C10orf53: variants seen among roughly 807,000 people sequenced by gnomAD.
C10orf53 encodes chromosome 10 open reading frame 53, also known as UPF0728 protein C10orf53.
A neutral mutation model predicts 9.4 loss-of-function variants in C10orf53; 8 were observed. That is an observed-to-expected ratio of 0.85 (90% CI 0.50 to 1.53). The LOEUF is 1.53. Among genes scored for constraint, C10orf53 ranks in the 40% most tolerant of loss-of-function variants. C10orf53 has a pLI of 0.00. For missense variants in C10orf53, 117 were observed against 117.8 expected (o/e 0.99, Z 0.03); for synonymous variants, 48 against 46.0 (o/e 1.04, Z -0.18).
At chr10:49,706,709 A>C (rs1041098975) in intron 2 of C10orf53, among the ~76,000 whole-genome samples, 1 of 152,216 alleles carries the variant, frequency 6.6e-6, no homozygotes, top group African/African-American at 2.4e-5. Context: ...GTACAGTTTA[A>C]ATGGATGAAT....
chr10:49,691,767 G>A (rs1022701294), intron 1 of C10orf53, among the ~76,000 whole-genome samples: 9 of 152,310 alleles, frequency 5.9e-5, no homozygotes, highest in African/African-American at 1.9e-4. Context: ...AGGGCCAGGG[G>A]CAGGCTACAG....
intron 1 of C10orf53, among the ~76,000 whole-genome samples, chr10:49,692,564 G>T (rs1452633696): frequency 6.6e-6 from 1 of 152,134 alleles, no homozygotes; most frequent in East Asian, 1.9e-4. Context: ...TAAAGAATAT[G>T]CCCCCGTCTG....
downstream of C10orf53, among the ~76,000 whole-genome samples, chr10:49,699,872 G>T (rs1214981091): frequency 6.8e-6 from 1 of 147,222 alleles, no homozygotes; most frequent in Admixed American, 6.8e-5. Flanking sequence ...GTACAAGAGG[G>T]CCCAGCTGTA....
intron 1 of C10orf53, among the ~76,000 whole-genome samples, chr10:49,681,323 T>C (rs1840477536): frequency 6.6e-6 from 1 of 152,120 alleles, no homozygotes; most frequent in African/African-American, 2.4e-5. Context: ...ATTGATGAAC[T>C]CCCATCCTAT....
intron 1 of C10orf53, among the ~76,000 whole-genome samples, chr10:49,688,287 C>T (rs11812635): frequency 0.32 from 48,639 of 151,890 alleles, 8,966 homozygotes; most frequent in Non-Finnish European, 0.42. Flanking sequence ...TTCCCTTACA[C>T]TCCCTGTTTA....
At chr10:49,679,815 C>A (rs774124565) in intron 1 of C10orf53, 21 bp downstream of exon 1, 2 of 1,523,306 alleles carry the variant, frequency 1.3e-6, no homozygotes, top group South Asian at 1.2e-5. Context: ...TCGCCGCGTG[C>A]GCCCCTGAGG....
At chr10:49,708,166 G>A (rs754930609) in intron 2 of C10orf53, among the ~76,000 whole-genome samples, 14 of 152,182 alleles carry the variant, frequency 9.2e-5, no homozygotes, top group Middle Eastern at 3.4e-3. Flanking sequence ...AATCTCAATG[G>A]TTAAGTCAGG....
chr10:49,701,153 G>A (rs1262782077), downstream of C10orf53, among the ~76,000 whole-genome samples: 2 of 152,142 alleles, frequency 1.3e-5, no homozygotes, highest in African/African-American at 2.4e-5. Flanking sequence ...ACACTCCAGC[G>A]GAGGGCAGCA....
At chr10:49,704,262 G>A (rs1485268490) in intron 2 of C10orf53, among the ~76,000 whole-genome samples, 1 of 152,134 alleles carries the variant, frequency 6.6e-6, no homozygotes, top group East Asian at 1.9e-4. Context: ...TGTGAAAGAA[G>A]GCATTTGCAA....
intron 1 of C10orf53, among the ~76,000 whole-genome samples, chr10:49,687,559 G>A (rs547110936): frequency 2.0e-5 from 3 of 152,332 alleles, no homozygotes; most frequent in African/African-American, 7.2e-5. Context: ...TTACCTTTAT[G>A]AGCCTCAGTT....
chr10:49,685,447 A>G (rs1840519518), intron 1 of C10orf53, among the ~76,000 whole-genome samples: 1 of 152,200 alleles, frequency 6.6e-6, no homozygotes, highest in Non-Finnish European at 1.5e-5. Flanking sequence ...TTAACTTAAA[A>G]TATTTTCAAC....
At chr10:49,690,293 C>T (rs1840571456) in intron 1 of C10orf53, among the ~76,000 whole-genome samples, 2 of 152,188 alleles carry the variant, frequency 1.3e-5, no homozygotes, top group South Asian at 4.1e-4. Flanking sequence ...CGGCAGCCAA[C>T]AAGGGCCAGG....
rs1318467594 is a variant in C10orf53 at position 49,695,569 on chromosome 10, T to G, written c.*967T>G. The G allele has an allele frequency of 2.6e-5, 4 of 152,208 alleles. No homozygotes were observed. Among genetic ancestry groups the G allele is most frequent in the Admixed American group, 2.0e-4 (3 of 15,274 alleles). 9.4% of individuals were successfully genotyped at this position (152,208 alleles called of 1,614,324 possible). A position where few individuals can be genotyped will look rare whatever the true frequency, so the allele number is the denominator to read the frequency against. ...GGGCTTTCAGGATCGCTCAGAGACCTGCGGCTTCACCTGCTCTGAGAGCAG... is the reference window on the plus strand; with the variant it reads ...GGGCTTTCAGGATCGCTCAGAGACCGGCGGCTTCACCTGCTCTGAGAGCAG... On this transcript the variant is annotated 3_prime_UTR_variant, in exon 3 of 3. Transcript: ENST00000374111.
At chr10:49,685,142 A>T (rs1840515499) in intron 1 of C10orf53, among the ~76,000 whole-genome samples, 1 of 152,018 alleles carries the variant, frequency 6.6e-6, no homozygotes, top group Non-Finnish European at 1.5e-5. Flanking sequence ...ACACACACAC[A>T]CGCACACACA....
At chr10:49,703,579 C>G (rs969772185) in intron 2 of C10orf53, among the ~76,000 whole-genome samples, 1 of 152,190 alleles carries the variant, frequency 6.6e-6, no homozygotes, top group South Asian at 2.1e-4. Flanking sequence ...AAGGTAGGTG[C>G]TCACGGAGTG....
At chr10:49,693,737 A>T (rs556572244) in intron 1 of C10orf53, 37 bp from the exon 2 acceptor site, 1 of 1,603,762 alleles carries the variant, frequency 6.2e-7, no homozygotes, top group East Asian at 2.2e-5. Flanking sequence ...TTGAAGTCTG[A>T]CCCCATGTCA....
intron 2 of C10orf53, among the ~76,000 whole-genome samples, chr10:49,702,576 C>T (rs1322919242): frequency 3.9e-5 from 6 of 152,200 alleles, no homozygotes; most frequent in Non-Finnish European, 8.8e-5. Context: ...GGGACTTACA[C>T]CACTGGCTCT....
rs529076528 is a variant in C10orf53 at position 49,688,655 on chromosome 10, C to T, written c.98-5119C>T. 3.5e-5 allele frequency among the ~76,000 whole-genome samples: 5 copies of T among 144,668 alleles called. No individual in the cohort carries two copies. The East Asian group carries it at 1.1e-3, about 33-fold the overall frequency. The allele number at this position is 144,668 out of a possible 152,430, so 94.9% of individuals were successfully genotyped here. ...TCATCTCACCCCCTCCTGCTTCTGC[C>T]TATCCTCTCCCTGGCCCGCTGCTGC... On this transcript the variant is annotated intron_variant, in intron 1 of 2. Transcript: ENST00000374111.
At position 49,696,325 on chromosome 10, in the gene C10orf53, T is replaced by C. The variant is rs185143692; in HGVS notation, c.*1723T>C. On this transcript the variant is annotated 3_prime_UTR_variant, in exon 3 of 3. Transcript: ENST00000374111. ...CTCCCTTGAGCTGTGATTTCTACTTTCATGGCCAAAACTTTTTCAATGCTG... is the reference window on the plus strand; with the variant it reads ...CTCCCTTGAGCTGTGATTTCTACTTCCATGGCCAAAACTTTTTCAATGCTG... Among the ~76,000 whole-genome samples the C allele has an allele frequency of 6.6e-6, 1 of 152,320 alleles. No homozygotes were observed. Among genetic ancestry groups the C allele is most frequent in the Admixed American group, 6.5e-5 (1 of 15,300 alleles).
Sources: gnomAD v4.1 joint callset for allele counts (sites outside exome capture counted in the v4.1 genomes callset) on GRCh38, gnomAD v4.1.1 for gene constraint, MANE v1.5 for transcripts, NCBI Gene and HGNC (gene_info 2026-07-23, HGNC 2026-07-21) for gene names.